Variants in TGFA observed in about 807,000 individuals in gnomAD.
TGFA encodes protransforming growth factor alpha.
A neutral mutation model predicts 21.7 loss-of-function variants in TGFA; 12 were observed. The observed-to-expected ratio is 0.55, with a 90% CI of 0.35 to 0.90. The LOEUF (loss-of-function observed/expected upper bound fraction) is 0.90, where lower values mean the gene tolerates loss of function less well. Ranked by LOEUF, TGFA falls within the 40% of genes least tolerant of loss-of-function variation. The pLI, the probability that TGFA is intolerant of heterozygous loss-of-function variation, is 0.01. For synonymous variants in TGFA, 79 were observed against 88.1 expected (o/e 0.90, Z 0.58); for missense variants, 178 against 210.8 (o/e 0.84, Z 0.96).
intron 2 of TGFA, among the ~76,000 whole-genome samples, chr2:70,474,843 C>T (rs1346935296): frequency 1.3e-5 from 2 of 152,154 alleles, no homozygotes; most frequent in African/African-American, 4.8e-5. Flanking sequence ...CCATTTCTCC[C>T]TTTGGGAAAA....
At chr2:70,549,952 C>T (rs1422934532) in intron 1 of TGFA, among the ~76,000 whole-genome samples, 2 of 152,218 alleles carry the variant, frequency 1.3e-5, no homozygotes, top group Admixed American at 6.5e-5. Flanking sequence ...TGAACACTCC[C>T]TAATTATGGC....
chr2:70,546,109 T>G (rs1389440387), intron 1 of TGFA, among the ~76,000 whole-genome samples: 2 of 152,178 alleles, frequency 1.3e-5, no homozygotes, highest in Admixed American at 1.3e-4. Flanking sequence ...AAAGGCCAAT[T>G]TCTAGAAATT....
At chr2:70,552,931 G>A (rs1350272727) in intron 1 of TGFA, among the ~76,000 whole-genome samples, 1 of 152,232 alleles carries the variant, frequency 6.6e-6, no homozygotes, top group Admixed American at 6.5e-5. Context: ...GCGGCGCTGC[G>A]CCCTCACCGC....
chr2:70,486,547 A>T (rs1553496702), intron 2 of TGFA, among the ~76,000 whole-genome samples: 1 of 151,842 alleles, frequency 6.6e-6, no homozygotes, highest in Non-Finnish European at 1.5e-5. Context: ...AGGCAAACAC[A>T]GCCTCCTGGG....
chr2:70,528,676 T>C (rs1672716507), intron 1 of TGFA, among the ~76,000 whole-genome samples: 1 of 152,250 alleles, frequency 6.6e-6, no homozygotes, highest in Non-Finnish European at 1.5e-5. Context: ...AAAGATGATG[T>C]ATCTTAGGCG....
At chr2:70,505,979 C>A (rs1381813959) in intron 2 of TGFA, among the ~76,000 whole-genome samples, 1 of 152,214 alleles carries the variant, frequency 6.6e-6, no homozygotes, top group African/African-American at 2.4e-5. Context: ...CTGAGCCTCA[C>A]TGGATTAAAA....
At chr2:70,457,326 C>T (rs542090774) in intron 3 of TGFA, among the ~76,000 whole-genome samples, 7 of 152,148 alleles carry the variant, frequency 4.6e-5, no homozygotes, top group African/African-American at 1.2e-4. Context: ...AAAAGTGCTT[C>T]GGGATGTGCC....
At chr2:70,470,270 C>A (rs1047238379) in intron 2 of TGFA, among the ~76,000 whole-genome samples, 6 of 152,024 alleles carry the variant, frequency 3.9e-5, no homozygotes, top group Admixed American at 3.9e-4. Context: ...TAAGGAGCAG[C>A]AATGAGCAAA....
chr2:70,452,778 C>T (rs1482240500), intron 5 of TGFA, among the ~76,000 whole-genome samples: 4 of 152,028 alleles, frequency 2.6e-5, no homozygotes, highest in African/African-American at 9.7e-5. Flanking sequence ...CCCGTCTCTA[C>T]TAAAAATACA....
chr2:70,507,859 GC>G (rs1303547847), intron 2 of TGFA, among the ~76,000 whole-genome samples: 1 of 152,144 alleles, frequency 6.6e-6, no homozygotes, highest in African/African-American at 2.4e-5. Flanking sequence ...CTTTGCTAAA[GC>G]ATCTAGACCA....
chr2:70,541,220 G>A (rs1553505155), intron 1 of TGFA, among the ~76,000 whole-genome samples: 2 of 152,170 alleles, frequency 1.3e-5, no homozygotes, highest in African/African-American at 2.4e-5. Context: ...CATCAATAGC[G>A]ATGGATTAAT....
chr2:70,518,277 C>T (rs1335924724), intron 1 of TGFA, among the ~76,000 whole-genome samples: 1 of 152,186 alleles, frequency 6.6e-6, no homozygotes, highest in Non-Finnish European at 1.5e-5. Context: ...AATCCCAAGA[C>T]TGTGGACTTC....
rs552035519 is a variant in TGFA at position 70,456,229 on chromosome 2, A to T, written c.365+110T>A. 12 of 1,369,736 alleles carry T rather than the reference A, an allele frequency of 8.8e-6. No individual in the cohort carries two copies. The South Asian group carries it at 8.9e-5, about 10-fold the overall frequency. 84.8% of individuals were successfully genotyped at this position (1,369,736 alleles called of 1,614,324 possible). A position where few individuals can be genotyped will look rare whatever the true frequency, so the allele number is the denominator to read the frequency against. ...TTAGCTTTCCTGACAGCACTCAGAC[A>T]TCCCAGAAATAAGCTGTGCTGAGGT... On this transcript the variant is annotated intron_variant, in intron 4 of 5. Transcript: ENST00000295400.
intron 2 of TGFA, among the ~76,000 whole-genome samples, chr2:70,495,983 T>C (rs1671563260): frequency 6.6e-6 from 1 of 152,228 alleles, no homozygotes; most frequent in Non-Finnish European, 1.5e-5. Context: ...TTCCTTGATA[T>C]ATACTCATAT....
chr2:70,466,424 G>A (rs564506746), intron 2 of TGFA, among the ~76,000 whole-genome samples: 3 of 152,234 alleles, frequency 2.0e-5, no homozygotes, highest in East Asian at 1.9e-4. Flanking sequence ...GGAGAATGGC[G>A]AGAACCCCGG....
chr2:70,536,248 A>G (rs1005175247), intron 1 of TGFA, among the ~76,000 whole-genome samples: 3 of 152,240 alleles, frequency 2.0e-5, no homozygotes, highest in Non-Finnish European at 2.9e-5. Context: ...GTCAAAATCC[A>G]TGAGGCAAAA....
intron 2 of TGFA, among the ~76,000 whole-genome samples, chr2:70,475,438 C>T (rs1670892607): frequency 1.3e-5 from 2 of 152,214 alleles, no homozygotes; most frequent in East Asian, 1.9e-4. Context: ...AATGGCAGAG[C>T]GGAAACCAGA....
intron 1 of TGFA, among the ~76,000 whole-genome samples, chr2:70,527,341 A>C (rs1194436257): frequency 1.3e-5 from 2 of 152,268 alleles, no homozygotes; most frequent in Admixed American, 6.5e-5. Context: ...CGCCAGTCTG[A>C]AAAGGCTGTA....
chr2:70,497,981 T>A (rs782109519), intron 2 of TGFA, among the ~76,000 whole-genome samples: 5 of 152,238 alleles, frequency 3.3e-5, no homozygotes, highest in Non-Finnish European at 5.9e-5. Context: ...CATTAACTCT[T>A]AGCTCTGCCA....
Sources: gnomAD v4.1 joint callset for allele counts (sites outside exome capture counted in the v4.1 genomes callset) on GRCh38, gnomAD v4.1.1 for gene constraint, MANE v1.5 for transcripts, NCBI Gene and HGNC (gene_info 2026-07-23, HGNC 2026-07-21) for gene names.